The following SUMO3 variants were observed in gnomAD, a reference collection of about 807,000 sequenced individuals.
SUMO3 encodes the protein small ubiquitin like modifier 3.
In SUMO3, 2 loss-of-function variants were observed where a neutral mutation model predicts 11.1. That is an observed-to-expected ratio of 0.18 (90% CI 0.07 to 0.57). The LOEUF (loss-of-function observed/expected upper bound fraction) is 0.57. Ranked by LOEUF, SUMO3 falls within the 20% of genes least tolerant of loss-of-function variation. The pLI, the probability that SUMO3 is intolerant of heterozygous loss-of-function variation, is 0.92. For synonymous variants in SUMO3, 56 were observed against 53.5 expected, an observed-to-expected ratio of 1.05 and a Z score of -0.20; for missense variants, 70 against 132.8, an observed-to-expected ratio of 0.53 and a Z score of 2.32.
At chr21:44,808,585 GA>G in intron 3 of SUMO3, 1 of 1,379,466 alleles carries the variant, frequency 7.2e-7, no homozygotes, top group Non-Finnish European at 9.4e-7. Flanking sequence ...CGTGATAGAT[GA>G]AATCTCATTC....
intron 2 of SUMO3, 179 bp downstream of exon 2, chr21:44,813,797 G>A: frequency 1.3e-6 from 2 of 1,503,862 alleles, no homozygotes; most frequent in Non-Finnish European, 8.9e-7. Flanking sequence ...GGCCATGGGG[G>A]ACAAGCCCAG....
chr21:44,817,170 G>A (rs1292763548), intron 1 of SUMO3, among the ~76,000 whole-genome samples: 1 of 128,244 alleles, frequency 7.8e-6, no homozygotes, highest in Non-Finnish European at 1.7e-5. Flanking sequence ...TGGGGGGCGT[G>A]ATGGGGAGGC....
intron 2 of SUMO3, among the ~76,000 whole-genome samples, chr21:44,812,765 C>A (rs1490220403): frequency 1.3e-5 from 2 of 152,238 alleles, no homozygotes; most frequent in Admixed American, 6.5e-5. Flanking sequence ...CAGAGCCCCC[C>A]CCACATGTAC....
At chr21:44,815,660 G>A (rs2083239311) in intron 1 of SUMO3, among the ~76,000 whole-genome samples, 1 of 152,156 alleles carries the variant, frequency 6.6e-6, no homozygotes, top group Non-Finnish European at 1.5e-5. Flanking sequence ...GGGAAGGAAG[G>A]TATGAGTGTG....
intron 1 of SUMO3, among the ~76,000 whole-genome samples, chr21:44,815,400 C>A (rs1055127221): frequency 2.0e-5 from 3 of 152,116 alleles, no homozygotes; most frequent in African/African-American, 7.2e-5. Context: ...TGTCCTGGGG[C>A]GGCACTCACC....
In SUMO3 at chr21:44,814,200, T is replaced by C. The variant is rs1398647725; in HGVS notation, c.22-96A>G. On this transcript the variant is annotated intron_variant, in intron 1 of 3. Coordinates refer to ENST00000332859, the MANE Select transcript of SUMO3 (RefSeq NM_006936.3). ...TTAGGTAATTGTTGGCTTTTTAAAGTCATCAAAACCAACCTAATTCTTAAA... is the reference window on the plus strand; with the variant it reads ...TTAGGTAATTGTTGGCTTTTTAAAGCCATCAAAACCAACCTAATTCTTAAA... The C allele has an allele frequency of 2.7e-6, 4 of 1,493,788 alleles. No individual in the cohort carries two copies. In the East Asian group the frequency reaches 9.1e-5, roughly 34 times the overall value. The allele number at this position is 1,493,788 out of a possible 1,614,324, so 92.5% of individuals were successfully genotyped here.
Position 44,806,823 on chromosome 21 carries a change from CA to C in SUMO3, c.*127del. On this transcript the variant is annotated 3_prime_UTR_variant, in exon 4 of 4. Transcript: ENST00000332859. ...GTTTTGAGTTGCACTTGAAGTACAT[CA>C]AAGAGAGGAAAATCATCGTGGTGAA... 6.8e-7 allele frequency: 1 copy of C among 1,480,130 alleles called. No individual in the cohort carries two copies. The highest frequency in any genetic ancestry group is 9.0e-7 in the Non-Finnish European group (1 of 1,108,380). 91.7% of individuals were successfully genotyped at this position (1,480,130 alleles called of 1,614,324 possible). A position where few individuals can be genotyped will look rare whatever the true frequency, so the allele number is the denominator to read the frequency against.
Position 44,807,527 on chromosome 21 carries a change from C to T in SUMO3, c.223-487G>A, listed in dbSNP as rs1294678565. Among the ~76,000 whole-genome samples the T allele has an allele frequency of 6.6e-6, 1 of 152,078 alleles. No individual in the cohort carries two copies. Among genetic ancestry groups the T allele is most frequent in the Non-Finnish European group, 1.5e-5 (1 of 68,024 alleles). On this transcript the variant is annotated intron_variant, in intron 3 of 3. Transcript: ENST00000332859. This position sits in a 1 kb window ranked among gnomAD's most constrained non-coding sequence, Gnocchi z 4.3. ...TGAGGGTCCATTGCCAGCTTCTCCC[C>T]GCCCCTCCCCATTTAAAGCCCAGGC...
chr21:44,807,187 C>T lies in SUMO3; in HGVS notation c.223-147G>A. ...ACCTTGGCTCTTGTCCGTCCCCTCACTGCAGCTCAGCACGCATGGAAGAGG... is the reference window on the plus strand; with the variant it reads ...ACCTTGGCTCTTGTCCGTCCCCTCATTGCAGCTCAGCACGCATGGAAGAGG... On this transcript the variant is annotated intron_variant, in intron 3 of 3. Coordinates refer to ENST00000332859, the MANE Select transcript of SUMO3 (RefSeq NM_006936.3). This position sits in a 1 kb window ranked among gnomAD's most constrained non-coding sequence, Gnocchi z 4.3. The T allele has an allele frequency of 2.1e-6, 2 of 960,246 alleles. No individual in the cohort carries two copies. Among genetic ancestry groups the T allele is most frequent in the Non-Finnish European group, 1.5e-6 (1 of 651,150 alleles). The allele number at this position is 960,246 out of a possible 1,614,324, so 59.5% of individuals were successfully genotyped here.
chr21:44,809,128 A>T lies in SUMO3; in HGVS notation c.151-10T>A, dbSNP rs1293183642. On this transcript the variant is annotated splice_polypyrimidine_tract_variant and intron_variant, in intron 2 of 3. Transcript: ENST00000332859. ...GCCTCATTGACAAGCCCTGGAAAGG[A>T]AAAGCAGTGGCCATTAGTCTCACTG... The T allele has an allele frequency of 1.2e-6, 2 of 1,613,684 alleles. No individual in the cohort carries two copies. The highest frequency in any genetic ancestry group is 2.2e-5 in the South Asian group (2 of 91,074).
At position 44,813,259 on chromosome 21, in the gene SUMO3, G is replaced by A. The variant is rs138818295; in HGVS notation, c.150+717C>T. On this transcript the variant is annotated intron_variant, in intron 2 of 3. Transcript: ENST00000332859. ...CAAGCAGGGCTCCCTGGGGAAGGGC[G>A]CCTGGCTGCAGGGCCGGGCCCCCAA... is the stretch of plus-strand genomic sequence containing the variant. Among the ~76,000 whole-genome samples the A allele has an allele frequency of 6.6e-3, 1,006 of 152,248 alleles. 4 individuals carry two copies. Among genetic ancestry groups the A allele is most frequent in the South Asian group, 0.014 (67 of 4,826 alleles).
chr21:44,806,774 T>C lies in SUMO3; in HGVS notation c.*177A>G. On this transcript the variant is annotated 3_prime_UTR_variant, in exon 4 of 4. Transcript: ENST00000332859. The stretch of plus-strand genomic sequence containing the variant: ...CAATTCTGATTGGCCCAATTTAAGT[T>C]ACAGATTCATCCCTGCAGATATAGT... 2 of 1,389,370 alleles carry C rather than the reference T, an allele frequency of 1.4e-6. No individual in the cohort carries two copies. The highest frequency in any genetic ancestry group is 1.9e-6 in the Non-Finnish European group (2 of 1,063,134). The allele number at this position is 1,389,370 out of a possible 1,614,324, so 86.1% of individuals were successfully genotyped here.
chr21:44,814,630 C>G (rs1483101435), intron 1 of SUMO3, among the ~76,000 whole-genome samples: 1 of 152,164 alleles, frequency 6.6e-6, no homozygotes, highest in East Asian at 1.9e-4. Context: ...CAGAAGAAAA[C>G]ATTTGTGACT....
Position 44,807,121 on chromosome 21 carries a change from G to A in SUMO3, c.223-81C>T, listed in dbSNP as rs1217582669. On this transcript the variant is annotated intron_variant, in intron 3 of 3. Transcript: ENST00000332859. The surrounding 1 kb of genome is among the most constrained non-coding windows in gnomAD (Gnocchi z 4.3). ...ATCAGAGAGTGGGAAGATCCTCACT[G>A]GCATGAGTGTTCCCTGACACTAGCG... 8.3e-5 allele frequency: 128 copies of A among 1,534,912 alleles called. No homozygotes were observed. Among genetic ancestry groups the A allele is most frequent in the Non-Finnish European group, 1.1e-4 (124 of 1,127,662 alleles).
rs1024809415 is a variant in SUMO3, at chr21:44,807,146, G to A, written c.223-106C>T. ...GGCATGAGTGTTCCCTGACACTAGC[G>A]ACATCACCTGGTCACACCTTGGCTC... On this transcript the variant is annotated intron_variant, in intron 3 of 3. Transcript: ENST00000332859. The surrounding 1 kb of genome is among the most constrained non-coding windows in gnomAD (Gnocchi z 4.3). The A allele has an allele frequency of 6.6e-5, 90 of 1,372,392 alleles. No homozygotes were observed. The highest frequency in any genetic ancestry group is 8.0e-5 in the Non-Finnish European group (80 of 1,003,504). The allele number at this position is 1,372,392 out of a possible 1,614,324, so 85.0% of individuals were successfully genotyped here.
At chr21:44,809,453 T>C (rs576518803) in intron 2 of SUMO3, among the ~76,000 whole-genome samples, 1 of 152,328 alleles carries the variant, frequency 6.6e-6, no homozygotes, top group African/African-American at 2.4e-5. Context: ...TGTTACACCA[T>C]TGCATACTGG....
At chr21:44,808,651 T>C in intron 3 of SUMO3, 1 of 1,380,050 alleles carries the variant, frequency 7.2e-7, no homozygotes, top group Non-Finnish European at 9.4e-7. Context: ...TCAGGGGTTA[T>C]GGCACATTCT....
chr21:44,808,697 G>A, intron 3 of SUMO3: 3 of 1,329,168 alleles, frequency 2.3e-6, no homozygotes, highest in Non-Finnish European at 3.0e-6. Flanking sequence ...TGCTTAAAGG[G>A]CACAAGAATC....
At chr21:44,809,989 T>C (rs1377964837) in intron 2 of SUMO3, among the ~76,000 whole-genome samples, 1 of 152,070 alleles carries the variant, frequency 6.6e-6, no homozygotes, top group African/African-American at 2.4e-5. Context: ...TGTGTGCCAA[T>C]GAGGGACAGA....
Sources: allele counts gnomAD v4.1 joint callset (sites outside exome capture counted in the v4.1 genomes callset), GRCh38; gene constraint gnomAD v4.1.1; non-coding constraint Gnocchi (gnomAD v3.1); transcripts MANE v1.5; gene names NCBI Gene and HGNC (gene_info 2026-07-23, HGNC 2026-07-21).